Variants in MAN1A1 observed in about 807,000 individuals in gnomAD.
MAN1A1 encodes mannosidase alpha class 1A member 1, also known as mannosyl-oligosaccharide 1,2-alpha-mannosidase IA.
In MAN1A1, 29 loss-of-function variants were observed where a neutral mutation model predicts 70.8. The observed-to-expected ratio is 0.41, with a 90% CI of 0.31 to 0.56. MAN1A1 has a LOEUF of 0.56. MAN1A1 is among the 20% of genes least tolerant of loss of function. The pLI, the probability that MAN1A1 is intolerant of heterozygous loss-of-function variation, is 0.29. For synonymous variants in MAN1A1, 349 were observed against 330.1 expected, an observed-to-expected ratio of 1.06 and a Z score of -0.62; for missense variants, 747 against 841.3, an observed-to-expected ratio of 0.89 and a Z score of 1.39.
At chr6:119,323,263 G>A (rs959838440) in intron 2 of MAN1A1, among the ~76,000 whole-genome samples, 6 of 152,128 alleles carry the variant, frequency 3.9e-5, no homozygotes, top group Admixed American at 2.6e-4. Context: ...TTCCCTTTAT[G>A]CCTATAGATT....
chr6:119,284,263 T>C (rs1047162251), intron 5 of MAN1A1, among the ~76,000 whole-genome samples: 1 of 152,154 alleles, frequency 6.6e-6, no homozygotes, highest in African/African-American at 2.4e-5. Context: ...CTCACGGTTT[T>C]TTCCCAATCA....
intron 2 of MAN1A1, among the ~76,000 whole-genome samples, chr6:119,337,206 T>C (rs1216866190): frequency 1.3e-5 from 2 of 152,160 alleles, no homozygotes; most frequent in African/African-American, 4.8e-5. Context: ...AGGCATTTCC[T>C]ATATTCATTA....
chr6:119,217,366 C>A (rs1774235089), intron 6 of MAN1A1, among the ~76,000 whole-genome samples: 1 of 152,108 alleles, frequency 6.6e-6, no homozygotes, highest in Non-Finnish European at 1.5e-5. Flanking sequence ...ACTGCAATCT[C>A]CCCCTCCCAG....
intron 9 of MAN1A1, among the ~76,000 whole-genome samples, chr6:119,192,467 A>G (rs1252697273): frequency 1.3e-5 from 2 of 152,176 alleles, no homozygotes; most frequent in Non-Finnish European, 2.9e-5. Context: ...AAGGAAACCA[A>G]TGTCATACTC....
intron 5 of MAN1A1, among the ~76,000 whole-genome samples, chr6:119,270,967 G>A (rs548858711): frequency 6.6e-6 from 1 of 152,232 alleles, no homozygotes; most frequent in South Asian, 2.1e-4. Flanking sequence ...CTACTTCTTA[G>A]CATCTTCTTT....
rs1003126289 is a variant in MAN1A1, at chr6:119,348,949, C to A, written c.117G>T (p.Thr39=). 3.9e-6 allele frequency: 6 copies of A among 1,529,862 alleles called. No homozygotes were observed. The African/African-American group carries it at 8.6e-5, about 22-fold the overall frequency. 94.8% of individuals were successfully genotyped at this position (1,529,862 alleles called of 1,614,324 possible). A position where few individuals can be genotyped will look rare whatever the true frequency, so the allele number is the denominator to read the frequency against. Residue 39 remains threonine (T), a synonymous_variant, in exon 2 of 13, where the codon ACG becomes ACT. Coordinates refer to ENST00000368468, the MANE Select transcript of MAN1A1 (RefSeq NM_005907.4). ...KGSGPAALRL[T]EKFVLLLVFS... ...ATACCAGCAGCAGCACGAACTTCTC[C>A]GTCAGGCGGAGGGCGGCGGGGCCCG...
chr6:119,238,431 G>A (rs1479962163), intron 6 of MAN1A1, among the ~76,000 whole-genome samples: 1 of 152,104 alleles, frequency 6.6e-6, no homozygotes, highest in Non-Finnish European at 1.5e-5. Flanking sequence ...TAATGAACTC[G>A]AACACAGCTA....
At chr6:119,310,011 T>C (rs6913654) in intron 2 of MAN1A1, among the ~76,000 whole-genome samples, 50,510 of 152,062 alleles carry the variant, frequency 0.33, 8,869 homozygotes, top group Non-Finnish European at 0.36. Context: ...TACTATCTCA[T>C]TGATAATGTA....
At chr6:119,271,328 T>TA (rs1046395180) in intron 5 of MAN1A1, among the ~76,000 whole-genome samples, 55 of 151,354 alleles carry the variant, frequency 3.6e-4, no homozygotes, top group African/African-American at 7.8e-4. Flanking sequence ...TTAAATCAAT[T>TA]AAAAAAAAAC....
chr6:119,278,662 C>T (rs1776144649), intron 5 of MAN1A1, among the ~76,000 whole-genome samples: 1 of 151,980 alleles, frequency 6.6e-6, no homozygotes, highest in Non-Finnish European at 1.5e-5. Context: ...AAATGTGCCC[C>T]CCCCAGTGTT....
At chr6:119,226,749 C>A (rs962564445) in intron 6 of MAN1A1, among the ~76,000 whole-genome samples, 77 of 152,172 alleles carry the variant, frequency 5.1e-4, no homozygotes, top group African/African-American at 1.8e-3. Flanking sequence ...TGGCTCACTG[C>A]AGCCTCTGCC....
In MAN1A1 at chr6:119,204,853, G is replaced by C. The variant is rs761773829; in HGVS notation, c.1022C>G (p.Ser341Cys). 3 of 1,613,804 alleles carry C rather than the reference G, an allele frequency of 1.9e-6. No individual in the cohort carries two copies. The highest frequency in any genetic ancestry group is 2.5e-6 in the Non-Finnish European group (3 of 1,179,896). ...TTCTGCCAGAATACTGCTGCCTCCA[G>C]AGGCCCAGGGCCAGTTCCTTCCAAT... ...SGIGRNWPWASGGSSILAEFG... is the reference protein window; with the variant it reads ...SGIGRNWPWACGGSSILAEFG... Residue 341 changes from serine to cysteine, a missense_variant, in exon 7 of 13, where the codon TCT becomes TGT. Ser to Cys is a moderately radical substitution (Grantham distance 112). Coordinates refer to ENST00000368468, the MANE Select transcript of MAN1A1 (RefSeq NM_005907.4).
intron 6 of MAN1A1, among the ~76,000 whole-genome samples, chr6:119,208,493 G>A (rs1345229772): frequency 1.3e-5 from 2 of 152,186 alleles, no homozygotes; most frequent in Non-Finnish European, 2.9e-5. Flanking sequence ...GCTATAATTT[G>A]AATGTAGTTT....
At chr6:119,201,682 A>T (rs906270216) in intron 7 of MAN1A1, among the ~76,000 whole-genome samples, 2 of 152,204 alleles carry the variant, frequency 1.3e-5, no homozygotes, top group African/African-American at 4.8e-5. Context: ...ATGCTGGGAA[A>T]CACAGGCAAT....
chr6:119,278,876 A>G (rs2142886), intron 5 of MAN1A1, among the ~76,000 whole-genome samples: 35,229 of 152,042 alleles, frequency 0.23, 5,385 homozygotes, highest in Non-Finnish European at 0.33. Context: ...GCCTTCTGCC[A>G]TGAGTGGAAA....
chr6:119,249,410 G>T (rs1353074754), intron 5 of MAN1A1, among the ~76,000 whole-genome samples: 1 of 152,146 alleles, frequency 6.6e-6, no homozygotes, highest in South Asian at 2.1e-4. Context: ...CCAAAGAAAA[G>T]CTCTAGCTTA....
At chr6:119,192,482 T>C (rs1773467031) in intron 9 of MAN1A1, among the ~76,000 whole-genome samples, 1 of 152,182 alleles carries the variant, frequency 6.6e-6, no homozygotes, top group Non-Finnish European at 1.5e-5. Context: ...ATACTCAGTG[T>C]AGTTAACCAG....
At chr6:119,224,134 G>T (rs1484112519) in intron 6 of MAN1A1, among the ~76,000 whole-genome samples, 1 of 152,162 alleles carries the variant, frequency 6.6e-6, no homozygotes, top group East Asian at 1.9e-4. Flanking sequence ...TATAATCTCT[G>T]CTGAAATCCC....
chr6:119,338,361 CA>C (rs1261192096), intron 2 of MAN1A1, among the ~76,000 whole-genome samples: 1 of 151,164 alleles, frequency 6.6e-6, no homozygotes, highest in African/African-American at 2.4e-5. Context: ...ACTTCACACA[CA>C]AAATATCATG....
Sources: gnomAD v4.1 joint callset for allele counts (sites outside exome capture counted in the v4.1 genomes callset) on GRCh38, gnomAD v4.1.1 for gene constraint, MANE v1.5 for transcripts, NCBI Gene and HGNC (gene_info 2026-07-23, HGNC 2026-07-21) for gene names.